Variants in STK32B observed in about 807,000 individuals in gnomAD.
STK32B encodes the protein serine/threonine kinase 32B.
STK32B carries 43 observed loss-of-function variants against 52.6 expected under a neutral mutation model. That is an observed-to-expected ratio of 0.82 (90% CI 0.64 to 1.05). The LOEUF (loss-of-function observed/expected upper bound fraction) is 1.05, where lower values mean the gene tolerates loss of function less well. Among genes scored for constraint, STK32B ranks in the 50% least tolerant of loss-of-function variants. STK32B has a pLI of 0.00. For missense variants in STK32B, 621 were observed against 534.6 expected (o/e 1.16, Z -1.59); for synonymous variants, 238 against 204.3 (o/e 1.17, Z -1.41).
chr4:5,488,466 A>T (rs1719415397), intron 11 of STK32B, among the ~76,000 whole-genome samples: 2 of 152,152 alleles, frequency 1.3e-5, no homozygotes, highest in Admixed American at 1.3e-4. Context: ...GTTTTTTACT[A>T]ATGTATTTTG....
At chr4:5,116,246 TTA>T (rs1314858944) in intron 1 of STK32B, among the ~76,000 whole-genome samples, 1 of 152,066 alleles carries the variant, frequency 6.6e-6, no homozygotes, top group Non-Finnish European at 1.5e-5. Flanking sequence ...AAGGCCAGCT[TTA>T]TGGGTGTGTG....
intron 2 of STK32B, among the ~76,000 whole-genome samples, chr4:5,151,140 G>C (rs1162740147): frequency 6.6e-6 from 1 of 152,090 alleles, no homozygotes; most frequent in Admixed American, 6.5e-5. Flanking sequence ...AGTTGCTTTT[G>C]GGTTGTAGCA....
At chr4:5,251,873 C>T (rs946151383) in intron 3 of STK32B, among the ~76,000 whole-genome samples, 1 of 152,158 alleles carries the variant, frequency 6.6e-6, no homozygotes, top group East Asian at 1.9e-4. Context: ...CAAACTGCAT[C>T]TGGGCACTAA....
At chr4:5,388,122 A>G (rs1010860727) in intron 4 of STK32B, among the ~76,000 whole-genome samples, 14 of 152,350 alleles carry the variant, frequency 9.2e-5, no homozygotes, top group African/African-American at 3.4e-4. Flanking sequence ...TCCATCAAAA[A>G]GAAGATAATG....
intron 4 of STK32B, among the ~76,000 whole-genome samples, chr4:5,371,972 G>A (rs1307887655): frequency 6.6e-6 from 1 of 152,174 alleles, no homozygotes; most frequent in East Asian, 1.9e-4. Flanking sequence ...CTGCAGAGAT[G>A]TCCTTCTGGG....
intron 3 of STK32B, among the ~76,000 whole-genome samples, chr4:5,253,143 C>T (rs1012193876): frequency 6.6e-6 from 1 of 152,008 alleles, no homozygotes; most frequent in African/African-American, 2.4e-5. Context: ...TCTGGGAAGC[C>T]CTCCAGGAGC....
At position 5,477,135 on chromosome 4, in the gene STK32B, G is replaced by T. The variant is rs866813551; in HGVS notation, c.1106+9065G>T. On this transcript the variant is annotated intron_variant, in intron 11 of 11. Coordinates refer to ENST00000282908, the MANE Select transcript of STK32B (RefSeq NM_018401.3). ...CAGGAACTTAAAAGGCTCCCCGATGGGTAGTGCTGTCTCACCGTGTAACCC... is the reference window on the plus strand; with the variant it reads ...CAGGAACTTAAAAGGCTCCCCGATGTGTAGTGCTGTCTCACCGTGTAACCC... 5.3e-5 allele frequency among the ~76,000 whole-genome samples: 8 copies of T among 152,260 alleles called. 1 individual carries two copies. The South Asian group carries it at 1.5e-3, about 28-fold the overall frequency.
Position 5,224,865 on chromosome 4 carries a change from A to G in STK32B, c.260+56415A>G, listed in dbSNP as rs989364167. Reference sequence around the variant, plus strand: ...TATAGAGTTGTGAGGATTAAATACAATGAGGCTTATAAAGCATTTTATTAC... The same window carrying G: ...TATAGAGTTGTGAGGATTAAATACAGTGAGGCTTATAAAGCATTTTATTAC... On this transcript the variant is annotated intron_variant, in intron 3 of 11. Transcript: ENST00000282908. Among the ~76,000 whole-genome samples, 5 of 152,188 alleles carry G rather than the reference A, an allele frequency of 3.3e-5. 1 individual carries two copies. The highest frequency in any genetic ancestry group is 2.6e-4 in the Admixed American group (4 of 15,280).
At chr4:5,107,562 A>G (rs574316872) in intron 1 of STK32B, among the ~76,000 whole-genome samples, 3 of 152,202 alleles carry the variant, frequency 2.0e-5, no homozygotes, top group African/African-American at 4.8e-5. Flanking sequence ...TAATTTTACA[A>G]GCCATCAATG....
At chr4:5,231,916 C>T (rs1236339231) in intron 3 of STK32B, among the ~76,000 whole-genome samples, 2 of 152,048 alleles carry the variant, frequency 1.3e-5, no homozygotes, top group East Asian at 1.9e-4. Context: ...AAGAGCCAAT[C>T]GAGAAAGAGA....
chr4:5,106,384 A>G (rs1343001827), intron 1 of STK32B, among the ~76,000 whole-genome samples: 1 of 152,164 alleles, frequency 6.6e-6, no homozygotes, highest in African/African-American at 2.4e-5. Context: ...AACATTTGCA[A>G]TGATGTTTAA....
chr4:5,177,191 G>A (rs56322216), intron 3 of STK32B, among the ~76,000 whole-genome samples: 32,637 of 152,040 alleles, frequency 0.21, 3,836 homozygotes, highest in East Asian at 0.36. Context: ...ACAGTTCTGC[G>A]TGGCTGGGGA....
intron 4 of STK32B, among the ~76,000 whole-genome samples, chr4:5,393,251 C>G (rs1191473105): frequency 1.3e-5 from 2 of 152,198 alleles, no homozygotes; most frequent in Non-Finnish European, 2.9e-5. Flanking sequence ...CTTTGCCCCA[C>G]TCTGTTATTA....
In STK32B at chr4:5,460,020, G is replaced by A; in HGVS notation, c.784-83G>A. On this transcript the variant is annotated intron_variant, in intron 8 of 11. Coordinates refer to ENST00000282908, the MANE Select transcript of STK32B (RefSeq NM_018401.3). This position sits in a 1 kb window ranked among gnomAD's most constrained non-coding sequence, Gnocchi z 4.8. The stretch of plus-strand genomic sequence containing the variant: ...CGTGAAGAGCAGAGGCACATTAATT[G>A]CCCTGAGACCCCCTCCTTCAGAGTC... 1 of 1,599,682 alleles carries A rather than the reference G, an allele frequency of 6.3e-7. No individual in the cohort carries two copies. Among genetic ancestry groups the A allele is most frequent in the African/African-American group, 1.3e-5 (1 of 74,686 alleles).
intron 3 of STK32B, among the ~76,000 whole-genome samples, chr4:5,176,029 G>A (rs560649224): frequency 2.1e-4 from 32 of 152,328 alleles, no homozygotes; most frequent in African/African-American, 7.2e-4. Context: ...CCTCGCTGTG[G>A]CCTTGCAGTT....
chr4:5,177,455 G>A (rs964048379), intron 3 of STK32B, among the ~76,000 whole-genome samples: 1 of 152,072 alleles, frequency 6.6e-6, no homozygotes, highest in Non-Finnish European at 1.5e-5. Flanking sequence ...CTTGAGTGGG[G>A]ACACAGCCAA....
intron 7 of STK32B, among the ~76,000 whole-genome samples, 176 bp from the exon 8 acceptor site, chr4:5,456,631 G>A (rs1345836717): frequency 1.3e-5 from 2 of 152,352 alleles, no homozygotes; most frequent in Middle Eastern, 3.4e-3. Context: ...TGCCCCCTGG[G>A]CCTGGTTACT....
intron 1 of STK32B, among the ~76,000 whole-genome samples, chr4:5,124,371 T>C (rs1715236024): frequency 6.6e-6 from 1 of 152,136 alleles, no homozygotes; most frequent in African/African-American, 2.4e-5. Flanking sequence ...TAGAGGTGGG[T>C]GGACATTCCC....
rs1286590936 is a variant in STK32B, at chr4:5,395,282, G to A, written c.435-2925G>A. ...CCCTGTAACATAACTGAATTAAGGG[G>A]GTGACACCCATCACCTTTGTCAGCT... On this transcript the variant is annotated intron_variant, in intron 4 of 11. Coordinates refer to ENST00000282908, the MANE Select transcript of STK32B (RefSeq NM_018401.3). This position sits in a 1 kb window ranked among gnomAD's most constrained non-coding sequence, Gnocchi z 4.4. 6.6e-6 allele frequency among the ~76,000 whole-genome samples: 1 copy of A among 152,040 alleles called. No individual in the cohort carries two copies. The highest frequency in any genetic ancestry group is 1.5e-5 in the Non-Finnish European group (1 of 68,002).
Sources: gnomAD v4.1 joint callset for allele counts (sites outside exome capture counted in the v4.1 genomes callset) on GRCh38, gnomAD v4.1.1 for gene constraint, Gnocchi (gnomAD v3.1) non-coding constraint, MANE v1.5 for transcripts, NCBI Gene and HGNC (gene_info 2026-07-23, HGNC 2026-07-21) for gene names.